The following NSMCE2 variants were observed in gnomAD, a reference collection of about 807,000 sequenced individuals.
NSMCE2 encodes the protein NSE2 SUMO ligase component of SMC5/6 complex, also known as E3 SUMO-protein ligase NSE2.
A neutral mutation model predicts 23.8 loss-of-function variants in NSMCE2; 24 were observed. That is an observed-to-expected ratio of 1.01 (90% CI 0.73 to 1.42). NSMCE2 has a LOEUF of 1.42. Ranked by LOEUF, NSMCE2 falls within the 40% of genes most tolerant of loss-of-function variation. The probability of loss-of-function intolerance (pLI) is 0.00; values close to 1 mark genes in which losing one functional copy is unlikely to be tolerated. For missense variants in NSMCE2, 284 were observed against 296.5 expected, an observed-to-expected ratio of 0.96 and a Z score of 0.31; for synonymous variants, 92 against 94.1, an observed-to-expected ratio of 0.98 and a Z score of 0.13.
chr8:125,135,128 G>A (rs1819997640), intron 3 of NSMCE2, among the ~76,000 whole-genome samples: 1 of 152,060 alleles, frequency 6.6e-6, no homozygotes, highest in Non-Finnish European at 1.5e-5. Context: ...ATGTTGTCCA[G>A]GCTGGTCTCA....
intron 4 of NSMCE2, among the ~76,000 whole-genome samples, chr8:125,179,911 A>G (rs1241976486): frequency 6.6e-6 from 1 of 152,220 alleles, no homozygotes; most frequent in Non-Finnish European, 1.5e-5. Context: ...ATCTGCTTAG[A>G]TCATCCCAGA....
chr8:125,314,125 G>A (rs1586754992), intron 5 of NSMCE2, among the ~76,000 whole-genome samples: 1 of 152,210 alleles, frequency 6.6e-6, no homozygotes, highest in Admixed American at 6.5e-5. Context: ...AAATAATTTA[G>A]CAACTAGAAG....
At chr8:125,096,248 CT>C (rs1817923307) in intron 1 of NSMCE2, among the ~76,000 whole-genome samples, 1 of 152,162 alleles carries the variant, frequency 6.6e-6, no homozygotes, top group Non-Finnish European at 1.5e-5. Flanking sequence ...TAGGCCACAG[CT>C]AACTTCAAGG....
intron 5 of NSMCE2, among the ~76,000 whole-genome samples, chr8:125,196,649 C>T (rs1032632712): frequency 6.6e-5 from 10 of 152,178 alleles, no homozygotes; most frequent in Non-Finnish European, 1.2e-4. Context: ...GTGAATAGTG[C>T]CACAGTAAAC....
intron 5 of NSMCE2, among the ~76,000 whole-genome samples, chr8:125,261,099 T>C (rs919598003): frequency 4.6e-5 from 7 of 152,214 alleles, no homozygotes; most frequent in African/African-American, 1.7e-4. Flanking sequence ...AATTACTGTT[T>C]TGCGAATCAA....
chr8:125,132,078 T>C (rs1819801521), intron 3 of NSMCE2, among the ~76,000 whole-genome samples: 1 of 152,128 alleles, frequency 6.6e-6, no homozygotes, highest in African/African-American at 2.4e-5. Context: ...AAAATATATG[T>C]GTATTCATAT....
chr8:125,289,197 CTAGAG>C (rs1828012777), intron 5 of NSMCE2, among the ~76,000 whole-genome samples: 1 of 151,518 alleles, frequency 6.6e-6, no homozygotes, highest in Non-Finnish European at 1.5e-5. Context: ...TACTTACTTC[CTAGAG>C]TAATCAGAAC....
rs562278226 is a variant in NSMCE2, at chr8:125,259,348, AAGCG to A, written c.418+77096_418+77099del. The stretch of plus-strand genomic sequence containing the variant: ...GCACAGCAGGAGGTGAGCAGCCCAC[AAGCG>A]AGCATTACCACCTGAGCTCCACTTT... On this transcript the variant is annotated intron_variant, in intron 5 of 7. Transcript: ENST00000287437. Among the ~76,000 whole-genome samples, 79 of 152,272 alleles carry A rather than the reference AAGCG, an allele frequency of 5.2e-4. 1 individual carries two copies. In the South Asian group the frequency reaches 0.016, roughly 30 times the overall value.
intron 5 of NSMCE2, among the ~76,000 whole-genome samples, chr8:125,338,586 A>G (rs907043761): frequency 1.3e-5 from 2 of 152,202 alleles, no homozygotes; most frequent in Non-Finnish European, 2.9e-5. Context: ...TCATAACCTC[A>G]GAAGCAATAC....
Position 125,179,021 on chromosome 8 carries a change from C to T in NSMCE2, c.265-3082C>T, listed in dbSNP as rs140747975. ...TAGGACCCAGCCCTGCTTGGACTTGCCCTGATCTTGGACTTCTTAATTCCA... is the reference window on the plus strand; with the variant it reads ...TAGGACCCAGCCCTGCTTGGACTTGTCCTGATCTTGGACTTCTTAATTCCA... On this transcript the variant is annotated intron_variant, in intron 4 of 7. Transcript: ENST00000287437. 3.9e-4 allele frequency among the ~76,000 whole-genome samples: 59 copies of T among 152,280 alleles called. No individual in the cohort carries two copies. In the East Asian group the frequency reaches 6.2e-3, roughly 16 times the overall value.
chr8:125,204,747 A>G (rs1197705758), intron 5 of NSMCE2, among the ~76,000 whole-genome samples: 1 of 152,094 alleles, frequency 6.6e-6, no homozygotes, highest in East Asian at 1.9e-4. Flanking sequence ...CCCATTCCTA[A>G]AAGTCTAGTC....
At chr8:125,171,126 A>C (rs559189644) in intron 4 of NSMCE2, among the ~76,000 whole-genome samples, 1 of 152,256 alleles carries the variant, frequency 6.6e-6, no homozygotes, top group African/African-American at 2.4e-5. Flanking sequence ...CTTTTCATTG[A>C]AGCCTGCCTT....
At chr8:125,186,652 G>A (rs1563705976) in intron 5 of NSMCE2, among the ~76,000 whole-genome samples, 1 of 152,200 alleles carries the variant, frequency 6.6e-6, no homozygotes, top group East Asian at 1.9e-4. Flanking sequence ...ACCTAAGTGA[G>A]GAGAGTCAAA....
At chr8:125,135,255 T>C (rs918981509) in intron 3 of NSMCE2, among the ~76,000 whole-genome samples, 1 of 152,116 alleles carries the variant, frequency 6.6e-6, no homozygotes, top group Non-Finnish European at 1.5e-5. Context: ...CTCTCTATAT[T>C]GCCCAGGTTG....
At chr8:125,334,684 C>T (rs17318886) in intron 5 of NSMCE2, among the ~76,000 whole-genome samples, 9,317 of 147,210 alleles carry the variant, frequency 0.063, 406 homozygotes, top group Non-Finnish European at 0.093. Context: ...TGAAATGAGG[C>T]GGTTAGAGCT....
At chr8:125,202,398 A>G (rs924194640) in intron 5 of NSMCE2, among the ~76,000 whole-genome samples, 2 of 152,234 alleles carry the variant, frequency 1.3e-5, no homozygotes, top group Non-Finnish European at 2.9e-5. Context: ...AGTCACCTAT[A>G]TATGTTGATA....
chr8:125,285,224 C>T (rs1827846460), intron 5 of NSMCE2, among the ~76,000 whole-genome samples: 1 of 152,150 alleles, frequency 6.6e-6, no homozygotes, highest in African/African-American at 2.4e-5. Context: ...TGGTCCATTC[C>T]CACTTGCCAG....
At chr8:125,095,695 G>A (rs1323514768) in intron 1 of NSMCE2, among the ~76,000 whole-genome samples, 1 of 152,042 alleles carries the variant, frequency 6.6e-6, no homozygotes, top group Non-Finnish European at 1.5e-5. Context: ...AGGAGTTTGA[G>A]ACCAGCCTGG....
intron 5 of NSMCE2, among the ~76,000 whole-genome samples, chr8:125,312,075 T>TAAAAAAA (rs56906621): frequency 7.0e-5 from 7 of 99,340 alleles, no homozygotes; most frequent in South Asian, 3.3e-4. Context: ...CCATCTCAAT[T>TAAAAAAA]AAAAAAAAAA....
Sources: allele counts gnomAD v4.1 joint callset (sites outside exome capture counted in the v4.1 genomes callset), GRCh38; gene constraint gnomAD v4.1.1; transcripts MANE v1.5; gene names NCBI Gene and HGNC (gene_info 2026-07-23, HGNC 2026-07-21).